The following FARSB variants were observed in gnomAD, a reference collection of about 807,000 sequenced individuals.
FARSB encodes phenylalanine--tRNA ligase beta subunit.
A neutral mutation model predicts 69.6 loss-of-function variants in FARSB; 40 were observed. The ratio of observed to expected loss-of-function variants is 0.57; its 90% CI spans 0.45 to 0.75. The LOEUF (loss-of-function observed/expected upper bound fraction) is 0.75. Among genes scored for constraint, FARSB ranks in the 30% least tolerant of loss-of-function variants. The pLI, the probability that FARSB is intolerant of heterozygous loss-of-function variation, is 0.00. For synonymous variants in FARSB, 235 were observed against 247.2 expected (o/e 0.95, Z 0.46); for missense variants, 632 against 722.9 (o/e 0.87, Z 1.44).
intron 16 of FARSB, among the ~76,000 whole-genome samples, chr2:222,579,244 C>T (rs1204290515): frequency 6.6e-6 from 1 of 152,210 alleles, no homozygotes; most frequent in Non-Finnish European, 1.5e-5. Context: ...AGGCCTAAAG[C>T]AGAATGTTTT....
At chr2:222,605,753 A>AT (rs1690688750) in intron 15 of FARSB, among the ~76,000 whole-genome samples, 3 of 34,682 alleles carry the variant, frequency 8.7e-5, no homozygotes, top group African/African-American at 2.3e-4. Context: ...CTCCATCTCT[A>AT]CAATAAATTA....
chr2:222,606,857 A>G (rs1690715681), intron 15 of FARSB, among the ~76,000 whole-genome samples: 1 of 152,238 alleles, frequency 6.6e-6, no homozygotes. Context: ...TTCCACTCCT[A>G]TTCTCACATT....
At chr2:222,612,742 A>G (rs1273988068) in intron 15 of FARSB, among the ~76,000 whole-genome samples, 1 of 152,220 alleles carries the variant, frequency 6.6e-6, no homozygotes, top group East Asian at 1.9e-4. Context: ...ATGCACATAC[A>G]GCTTCGAACA....
chr2:222,654,783 C>A (rs1692127875), intron 1 of FARSB, among the ~76,000 whole-genome samples: 1 of 152,152 alleles, frequency 6.6e-6, no homozygotes. Flanking sequence ...TAACAGTAAT[C>A]TTATTCTGGG....
intron 16 of FARSB, among the ~76,000 whole-genome samples, chr2:222,586,884 T>A (rs1690129436): frequency 6.6e-6 from 1 of 152,114 alleles, no homozygotes; most frequent in Non-Finnish European, 1.5e-5. Context: ...ACAAAGAGAC[T>A]TAGACTCCCA....
chr2:222,649,039 C>T (rs1476701517), intron 1 of FARSB, among the ~76,000 whole-genome samples: 2 of 151,788 alleles, frequency 1.3e-5, no homozygotes, highest in Non-Finnish European at 2.9e-5. Flanking sequence ...CCAGCCTGGC[C>T]AACACGGTGA....
intron 7 of FARSB, 48 bp from the exon 8 acceptor site, chr2:222,631,722 T>C (rs888351740): frequency 8.6e-6 from 9 of 1,042,756 alleles, no homozygotes; most frequent in Middle Eastern, 2.4e-4. Flanking sequence ...ATTTCAGAAA[T>C]AGAAGTGCAC....
intron 15 of FARSB, among the ~76,000 whole-genome samples, chr2:222,601,083 A>G (rs76203978): frequency 3.3e-5 from 5 of 152,308 alleles, no homozygotes; most frequent in Non-Finnish European, 7.4e-5. Context: ...ACTCGGAGAA[A>G]CAGAAAGTAG....
At chr2:222,647,872 T>C (rs1182201285) in intron 2 of FARSB, among the ~76,000 whole-genome samples, 2 of 152,178 alleles carry the variant, frequency 1.3e-5, no homozygotes. Context: ...CTGGCCAACA[T>C]GGTAAAACCT....
intron 16 of FARSB, among the ~76,000 whole-genome samples, chr2:222,578,139 T>C (rs1689881607): frequency 6.6e-6 from 1 of 152,252 alleles, no homozygotes; most frequent in East Asian, 1.9e-4. Flanking sequence ...GACACCCATA[T>C]CATTTTCCCC....
At chr2:222,597,581 GA>G (rs1276062705) in intron 16 of FARSB, among the ~76,000 whole-genome samples, 1 of 152,072 alleles carries the variant, frequency 6.6e-6, no homozygotes. Context: ...AGAAAAACCT[GA>G]CTTTTAAGCA....
intron 16 of FARSB, among the ~76,000 whole-genome samples, chr2:222,594,296 A>T (rs951477486): frequency 2.0e-5 from 3 of 152,058 alleles, no homozygotes; most frequent in African/African-American, 7.2e-5. Flanking sequence ...TGATTTTTAT[A>T]ATTTTTTATT....
intron 5 of FARSB, among the ~76,000 whole-genome samples, chr2:222,637,583 G>C (rs1051912467): frequency 3.3e-5 from 5 of 152,260 alleles, no homozygotes; most frequent in Admixed American, 6.5e-5. Flanking sequence ...GGATATAGTA[G>C]GCAAAGGGTC....
chr2:222,630,470 A>C (rs1366480029), intron 8 of FARSB, among the ~76,000 whole-genome samples: 1 of 152,198 alleles, frequency 6.6e-6, no homozygotes, highest in East Asian at 1.9e-4. Flanking sequence ...AATTACTGGA[A>C]TAAATCTTAA....
chr2:222,636,385 C>CAAAAAA (rs34295305), intron 5 of FARSB, among the ~76,000 whole-genome samples: 2 of 96,672 alleles, frequency 2.1e-5, no homozygotes, highest in Non-Finnish European at 2.1e-5. Context: ...GACTCTATCT[C>CAAAAAA]AAAAAAAAAA....
chr2:222,608,509 A>G (rs1553550711), intron 15 of FARSB, among the ~76,000 whole-genome samples: 1 of 152,206 alleles, frequency 6.6e-6, no homozygotes, highest in Non-Finnish European at 1.5e-5. Flanking sequence ...AAACCAAATC[A>G]TAAAAGAACA....
At chr2:222,594,093 C>CA (rs33937937) in intron 16 of FARSB, among the ~76,000 whole-genome samples, 25,560 of 51,634 alleles carry the variant, frequency 0.5, 9,805 homozygotes, top group East Asian at 0.8. Context: ...CCCGCCTCTA[C>CA]AAAAAAAAAA....
Position 222,631,639 on chromosome 2 carries a change from T to C in FARSB, c.751A>G (p.Ile251Val), listed in dbSNP as rs1253914035. ...HSRITVNTRN[I>V]FIECTGTDFT... Reference sequence around the variant, plus strand: ...TCAGTTCCCGTGCATTCAATAAAAATATTTCTAGTATTTACTGTTATTCTG... The same window carrying C: ...TCAGTTCCCGTGCATTCAATAAAAACATTTCTAGTATTTACTGTTATTCTG... The change falls in exon 8 of 17, where the codon ATT becomes GTT. Residue 251 changes from isoleucine to valine, a missense_variant. Ile to Val is a conservative substitution (Grantham distance 29). Coordinates refer to ENST00000281828, the MANE Select transcript of FARSB (RefSeq NM_005687.5). 1 of 1,567,266 alleles carries C rather than the reference T, an allele frequency of 6.4e-7. No homozygotes were observed. The highest frequency in any genetic ancestry group is 1.3e-5 in the African/African-American group (1 of 74,114).
rs565179713 is a variant in FARSB at position 222,645,723 on chromosome 2, C to T, written c.115-2718G>A. ...GTAATATATTTTTCAAGTATTTTACCATAGAATTTCTAAAGTACTTTGTCA... is the reference window on the plus strand; with the variant it reads ...GTAATATATTTTTCAAGTATTTTACTATAGAATTTCTAAAGTACTTTGTCA... On this transcript the variant is annotated intron_variant, in intron 2 of 16. Transcript: ENST00000281828. Among the ~76,000 whole-genome samples the T allele has an allele frequency of 3.1e-4, 46 of 150,814 alleles. 1 individual carries two copies. The highest frequency in any genetic ancestry group is 1.1e-3 in the African/African-American group (45 of 41,130).
Sources: allele counts gnomAD v4.1 joint callset (sites outside exome capture counted in the v4.1 genomes callset), GRCh38; gene constraint gnomAD v4.1.1; transcripts MANE v1.5; gene names NCBI Gene and HGNC (gene_info 2026-07-23, HGNC 2026-07-21).